Variants in BSG observed in about 807,000 individuals in gnomAD.
BSG encodes the protein basigin (Ok blood group), also known as basigin.
A neutral mutation model predicts 43.1 loss-of-function variants in BSG; 37 were observed. The ratio of observed to expected loss-of-function variants is 0.86; its 90% CI spans 0.66 to 1.13. The LOEUF is 1.13. Ranked by LOEUF, BSG falls within the 50% of genes most tolerant of loss-of-function variation. The probability of loss-of-function intolerance (pLI) is 0.00; values close to 1 mark genes in which losing one functional copy is unlikely to be tolerated. For synonymous variants in BSG, 309 were observed against 238.7 expected (o/e 1.29, Z -2.72); for missense variants, 599 against 554.2 (o/e 1.08, Z -0.81).
rs776570652 is a variant in BSG, at chr19:581,477, C to T, written c.955C>T (p.Arg319Cys). 5.6e-6 allele frequency: 9 copies of T among 1,607,336 alleles called. No individual in the cohort carries two copies. The highest frequency in any genetic ancestry group is 7.6e-6 in the Non-Finnish European group (9 of 1,177,592). ...SDQAIITLRV[R>C]SHLAALWPFL... ...CCAGGCCATCATCACGCTCCGCGTG[C>T]GCAGCCACCTGGCCGCCCTCTGGCC... The change falls in exon 6 of 9, where the codon CGC (arginine) becomes TGC (cysteine). Residue 319 changes from arginine to cysteine, a missense_variant. Transcript: ENST00000333511.
intron 1 of BSG, chr19:574,927 C>T (rs12609912): frequency 0.14 from 21,098 of 152,294 alleles, 1,687 homozygotes; most frequent in South Asian, 0.26. Flanking sequence ...CCAGCCAGGC[C>T]TGACTGGGTT....
At chr19:577,303 G>A (rs578018107) in intron 1 of BSG, among the ~76,000 whole-genome samples, 2 of 152,282 alleles carry the variant, frequency 1.3e-5, no homozygotes, top group African/African-American at 4.8e-5. Flanking sequence ...TTCCACCCAC[G>A]GGCTGTCCTA....
chr19:578,095 C>T lies in BSG; in HGVS notation c.389C>T (p.Ala130Val). 6.3e-7 allele frequency: 1 copy of T among 1,592,636 alleles called. No homozygotes were observed. The change falls in exon 2 of 9, where the codon GCC becomes GTC. Residue 130 changes from alanine to valine, a missense_variant. Coordinates refer to ENST00000333511, the MANE Select transcript of BSG (RefSeq NM_001728.4). The part of the protein sequence containing the change: ...TRAPRVKWVR[A>V]QAVVLVLEPG... ...GCGCCCAGGGTCAAGTGGGTCCGCG[C>T]CCAGGCAGTCGTGCTAGTCCTGGAA...
At position 582,538 on chromosome 19, in the gene BSG, T is replaced by G. The variant is rs1982420157; in HGVS notation, c.1119T>G (p.Asn373Lys). 6.3e-7 allele frequency: 1 copy of G among 1,580,358 alleles called. No individual in the cohort carries two copies. The highest frequency in any genetic ancestry group is 1.1e-5 in the South Asian group (1 of 90,002). Residue 373 changes from asparagine to lysine, a missense_variant, in exon 8 of 9, where the codon AAT (asparagine) becomes AAG (lysine). Transcript: ENST00000333511. ...GGAAGAGCAGCGGGCAGCACCAGAA[T>G]GACAAAGGCAAGAACGTCCGCCAGA... Reference protein sequence around the residue: ...APLKSSGQHQNDKGKNVRQRN... With the variant: ...APLKSSGQHQKDKGKNVRQRN...
intron 1 of BSG, among the ~76,000 whole-genome samples, chr19:576,126 C>T (rs1981751281): frequency 6.6e-6 from 1 of 152,242 alleles, no homozygotes; most frequent in Non-Finnish European, 1.5e-5. Context: ...GCCCGGGACT[C>T]CTGGAAAGGT....
At position 583,036 on chromosome 19, in the gene BSG, C is replaced by T. The variant is rs1214367509; in HGVS notation, c.*292C>T. The T allele has an allele frequency of 5.4e-6, 1 of 185,618 alleles. No homozygotes were observed. The highest frequency in any genetic ancestry group is 1.1e-5 in the Non-Finnish European group (1 of 87,580). 11.5% of individuals were successfully genotyped at this position (185,618 alleles called of 1,614,324 possible). A position where few individuals can be genotyped will look rare whatever the true frequency, so the allele number is the denominator to read the frequency against. The stretch of plus-strand genomic sequence containing the variant: ...GTCATGGCCGGGTGGGCGGCACAGC[C>T]TTCTCCACTGGCCGGAGTCAGTGCC... On this transcript the variant is annotated 3_prime_UTR_variant, in exon 9 of 9. Coordinates refer to ENST00000333511, the MANE Select transcript of BSG (RefSeq NM_001728.4).
intron 6 of BSG, among the ~76,000 whole-genome samples, chr19:582,058 G>A (rs2145903770): frequency 6.6e-6 from 1 of 152,334 alleles, no homozygotes; most frequent in African/African-American, 2.4e-5. Context: ...TGTGGGGCAG[G>A]GGTGAGGCCC....
intron 2 of BSG, chr19:579,150 C>A (rs1184365995): frequency 4.2e-6 from 2 of 480,416 alleles, no homozygotes; most frequent in Admixed American, 4.6e-5. Flanking sequence ...TGTCTGTCCC[C>A]ACACCCTGGT....
intron 1 of BSG, 129 bp from the exon 2 acceptor site, chr19:577,645 C>G: frequency 1.3e-6 from 1 of 758,134 alleles, no homozygotes; most frequent in Non-Finnish European, 1.9e-6. Context: ...CATCACTCTC[C>G]CACAAGCTGA....
intron 1 of BSG, among the ~76,000 whole-genome samples, chr19:574,609 G>GCTGGAGGGTCTGGCCTC (rs1981602810): frequency 6.6e-6 from 1 of 152,200 alleles, no homozygotes; most frequent in Non-Finnish European, 1.5e-5. Flanking sequence ...AAGGTGCAGA[G>GCTGGAGGGTCTGGCCTC]CTGGAGGGTC....
upstream of BSG, among the ~76,000 whole-genome samples, chr19:571,903 T>C (rs1354343636): frequency 6.6e-6 from 1 of 152,164 alleles, no homozygotes; most frequent in Non-Finnish European, 1.5e-5. Context: ...GTAAGGTTGA[T>C]TGACAACTTT....
chr19:582,236 G>A lies in BSG; in HGVS notation c.1070-70G>A, dbSNP rs921232937. On this transcript the variant is annotated intron_variant, in intron 6 of 8. Transcript: ENST00000333511. Reference sequence around the variant, plus strand: ...TGGCAGCACAGATGCCCCTGCTCGGGGCCTGAGTGGGGCCAGTGCTGACAG... The same window carrying A: ...TGGCAGCACAGATGCCCCTGCTCGGAGCCTGAGTGGGGCCAGTGCTGACAG... The A allele has an allele frequency of 1.9e-6, 3 of 1,588,740 alleles. No homozygotes were observed. In the Admixed American group the frequency reaches 5.8e-5, roughly 30 times the overall value.
chr19:581,623 T>C, intron 6 of BSG, 32 bp downstream of exon 6: 1 of 1,546,804 alleles, frequency 6.5e-7, no homozygotes, highest in Non-Finnish European at 8.7e-7. Flanking sequence ...CCACATGCCC[T>C]GCTCTCGGGG....
chr19:578,325 G>A (rs1442919828), intron 2 of BSG: 34 of 483,060 alleles, frequency 7.0e-5, no homozygotes, highest in Non-Finnish European at 1.0e-4. Flanking sequence ...GGCCTGGCTC[G>A]GGGCAGGCAG....
Position 580,682 on chromosome 19 carries a change from A to G in BSG, c.692A>G (p.His231Arg). The change falls in exon 5 of 9, where the codon CAC becomes CGC. Residue 231 changes from histidine to arginine, a missense_variant. Transcript: ENST00000333511. ...GTGAAGGCTGTGAAGTCGTCAGAAC[A>G]CATCAACGAGGGGGAGACGGCCATG... ...PRVKAVKSSEHINEGETAMLV... is the reference protein window; with the variant it reads ...PRVKAVKSSERINEGETAMLV... 1 of 1,612,858 alleles carries G rather than the reference A, an allele frequency of 6.2e-7. No homozygotes were observed. The highest frequency in any genetic ancestry group is 8.5e-7 in the Non-Finnish European group (1 of 1,179,980).
chr19:577,634 C>G (rs1600485963), intron 1 of BSG, 140 bp from the exon 2 acceptor site: 1 of 645,926 alleles, frequency 1.5e-6, no homozygotes, highest in East Asian at 3.3e-5. Context: ...CAGCCGGGCC[C>G]CATCACTCTC....
intron 2 of BSG, among the ~76,000 whole-genome samples, chr19:578,515 G>A (rs1217010700): frequency 2.0e-5 from 3 of 152,268 alleles, no homozygotes; most frequent in East Asian, 1.9e-4. Flanking sequence ...TGTGTCCTTC[G>A]CAGCATCTCG....
chr19:576,483 C>T (rs1429046428), intron 1 of BSG, among the ~76,000 whole-genome samples: 1 of 152,228 alleles, frequency 6.6e-6, no homozygotes, highest in Non-Finnish European at 1.5e-5. Flanking sequence ...CACTGCCAGC[C>T]AGGCGCGGTG....
chr19:576,761 AAG>A (rs1282959844), intron 1 of BSG, among the ~76,000 whole-genome samples: 36 of 106,520 alleles, frequency 3.4e-4, no homozygotes, highest in East Asian at 4.8e-4. Flanking sequence ...AAAAAAAAAA[AAG>A]AAGAAGAGGA....
Sources: gnomAD v4.1 joint callset for allele counts (sites outside exome capture counted in the v4.1 genomes callset) on GRCh38, gnomAD v4.1.1 for gene constraint, MANE v1.5 for transcripts, NCBI Gene and HGNC (gene_info 2026-07-23, HGNC 2026-07-21) for gene names.